The following ZC3H4 variants were observed in gnomAD, a reference collection of about 807,000 sequenced individuals.
The protein encoded by ZC3H4 is zinc finger CCCH domain-containing protein 4.
ZC3H4 carries 13 observed loss-of-function variants against 108.3 expected under a neutral mutation model. The ratio of observed to expected loss-of-function variants is 0.12; its 90% CI spans 0.08 to 0.19. The LOEUF is 0.19. Among genes scored for constraint, ZC3H4 ranks in the 10% least tolerant of loss-of-function variants. The pLI, the probability that ZC3H4 is intolerant of heterozygous loss-of-function variation, is 1.00. For synonymous variants in ZC3H4, 917 were observed against 749.6 expected, an observed-to-expected ratio of 1.22 and a Z score of -3.65; for missense variants, 1,734 against 1,838.8, an observed-to-expected ratio of 0.94 and a Z score of 1.04.
rs898745747 is a variant in ZC3H4 at position 47,067,946 on chromosome 19, A to C, written c.2399-77T>G. ...GCCCTCTTGGATCCCACAGCAGCCC[A>C]CCGTGAGCAGCTCCTTTGCTTGTGC... On this transcript the variant is annotated intron_variant, in intron 14 of 14. Transcript: ENST00000253048. The surrounding 1 kb of genome is among the most constrained non-coding windows in gnomAD (Gnocchi z 6.4). 8 of 1,379,908 alleles carry C rather than the reference A, an allele frequency of 5.8e-6. No individual in the cohort carries two copies. The highest frequency in any genetic ancestry group is 5.9e-6 in the Non-Finnish European group (6 of 1,009,510). 85.5% of individuals were successfully genotyped at this position (1,379,908 alleles called of 1,614,324 possible).
intron 11 of ZC3H4, among the ~76,000 whole-genome samples, chr19:47,080,394 T>C (rs530564667): frequency 6.6e-6 from 1 of 152,176 alleles, no homozygotes; most frequent in South Asian, 2.1e-4. Context: ...CCAACTTCCC[T>C]CTATTTTCTC....
rs781391829 is a variant in ZC3H4 at position 47,067,633 on chromosome 19, C to G, written c.2635G>C (p.Gly879Arg). Residue 879 changes from glycine (G) to arginine (R), a missense_variant, in exon 15 of 15, where the codon GGG (glycine) becomes CGG (arginine). Gly to Arg is a moderately radical substitution (Grantham distance 125). Coordinates refer to ENST00000253048, the MANE Select transcript of ZC3H4 (RefSeq NM_015168.2). This position sits in a 1 kb window ranked among gnomAD's most constrained non-coding sequence, Gnocchi z 6.4. ...GGTCCCGAATCACCTGGGCCAGACC[C>G]GCCAGAAGCCTCCACATGGCGGGTG... Reference protein sequence around the residue: ...RLTRHVEASGGSGPGDSGPSD... With the variant: ...RLTRHVEASGRSGPGDSGPSD... 6.2e-7 allele frequency: 1 copy of G among 1,604,766 alleles called. No homozygotes were observed. The highest frequency in any genetic ancestry group is 2.2e-5 in the East Asian group (1 of 44,778).
chr19:47,089,476 G>A (rs893846404), intron 5 of ZC3H4, among the ~76,000 whole-genome samples: 18 of 152,168 alleles, frequency 1.2e-4, no homozygotes, highest in Non-Finnish European at 2.4e-4. Flanking sequence ...TGCGCCGGCA[G>A]AGATGTGTTC....
rs1277918719 is a variant in ZC3H4 at position 47,113,753 on chromosome 19, G to T, written c.-39C>A. The T allele has an allele frequency of 6.6e-6, 1 of 152,330 alleles. No individual in the cohort carries two copies. The highest frequency in any genetic ancestry group is 1.5e-5 in the Non-Finnish European group (1 of 68,062). 9.4% of individuals were successfully genotyped at this position (152,330 alleles called of 1,614,324 possible). On this transcript the variant is annotated 5_prime_UTR_variant, in exon 1 of 15. Coordinates refer to ENST00000253048, the MANE Select transcript of ZC3H4 (RefSeq NM_015168.2). ...GGAGGCCAGGTGCCGAGAGTCGGAG[G>T]TTTCCGGAGAAGCGATGAAGCCCAG... is the stretch of plus-strand genomic sequence containing the variant.
chr19:47,103,762 TA>T (rs748735701), intron 2 of ZC3H4, among the ~76,000 whole-genome samples: 60,080 of 108,400 alleles, frequency 0.55, 17,188 homozygotes, highest in Non-Finnish European at 0.69. Context: ...CCGTCTCTAC[TA>T]AAAAAAAAAA....
rs201711035 is a variant in ZC3H4 at position 47,072,110 on chromosome 19, G to A, written c.1814C>T (p.Pro605Leu). 1.3e-6 allele frequency: 2 copies of A among 1,536,704 alleles called. No individual in the cohort carries two copies. Among genetic ancestry groups the A allele is most frequent in the African/African-American group, 2.8e-5 (2 of 72,002 alleles). Residue 605 changes from proline (P) to leucine (L), a missense_variant, in exon 13 of 15, where the codon CCC becomes CTC. Coordinates refer to ENST00000253048, the MANE Select transcript of ZC3H4 (RefSeq NM_015168.2). The surrounding 1 kb of genome is among the most constrained non-coding windows in gnomAD (Gnocchi z 5.6). ...GCCCATTGGCCCTGGGGGTCCACCG[G>A]GTCCAGGGAACCTAGAAGAGGGAAA... ...AEKLGVRFPG[P>L]GGPPGPMGPG...
At position 47,067,201 on chromosome 19, in the gene ZC3H4, C is replaced by T. The variant is rs771929582; in HGVS notation, c.3067G>A (p.Ala1023Thr). 2.9e-5 allele frequency: 46 copies of T among 1,609,954 alleles called. No homozygotes were observed. The highest frequency in any genetic ancestry group is 4.0e-5 in the African/African-American group (3 of 74,696). The change falls in exon 15 of 15, where the codon GCC becomes ACC. Residue 1023 changes from alanine to threonine, a missense_variant. Physicochemically the swap from Ala to Thr is moderately conservative, Grantham distance 58 (BLOSUM62 0). Around this residue, in one of 9 missense-constraint regions of ZC3H4, gnomAD observed 518 missense variants for 499.6 expected, o/e 1.04. Transcript: ENST00000253048. This position sits in a 1 kb window ranked among gnomAD's most constrained non-coding sequence, Gnocchi z 6.4. ...HRAATAGPPN[A>T]RQRPGASTDS... ...GTGGAGGCGCCCGGGCGCTGCCGGG[C>T]GTTGGGGGGCCCTGCCGTGGCAGCG...
Position 47,066,766 on chromosome 19 carries a change from C to T in ZC3H4, c.3502G>A (p.Gly1168Ser), listed in dbSNP as rs1335870709. 8 of 1,603,296 alleles carry T rather than the reference C, an allele frequency of 5.0e-6. No homozygotes were observed. Among genetic ancestry groups the T allele is most frequent in the Non-Finnish European group, 5.9e-6 (7 of 1,178,274 alleles). The change falls in exon 15 of 15, where the codon GGT becomes AGT. Residue 1168 changes from glycine (G) to serine (S), a missense_variant. Physicochemically the swap from Gly to Ser is moderately conservative, Grantham distance 56 (BLOSUM62 0). Around this residue, in one of 9 missense-constraint regions of ZC3H4, gnomAD observed 518 missense variants for 499.6 expected, o/e 1.04. Coordinates refer to ENST00000253048, the MANE Select transcript of ZC3H4 (RefSeq NM_015168.2). ...GKATEPAADT[G>S]AQPKGAEGNG... is the part of the protein sequence containing the mutation. ...CCCTCAGCACCCTTGGGCTGGGCACCCGTGTCAGCAGCCGGCTCTGTGGCT... is the reference window on the plus strand; with the variant it reads ...CCCTCAGCACCCTTGGGCTGGGCACTCGTGTCAGCAGCCGGCTCTGTGGCT...
At chr19:47,086,581 G>T (rs1400171535) in intron 5 of ZC3H4, 43 bp from the exon 6 acceptor site, 1 of 1,530,198 alleles carries the variant, frequency 6.5e-7, no homozygotes, top group Non-Finnish European at 8.7e-7. Flanking sequence ...AGGAGCAGAT[G>T]CCACCAGCAA....
At chr19:47,092,910 G>A (rs1568557741) in intron 4 of ZC3H4, among the ~76,000 whole-genome samples, 2 of 151,100 alleles carry the variant, frequency 1.3e-5, no homozygotes, top group East Asian at 4.0e-4. Context: ...CGAATACTGG[G>A]TAAAGTAATC....
intron 11 of ZC3H4, among the ~76,000 whole-genome samples, 186 bp downstream of exon 11, chr19:47,081,327 A>T: frequency 6.6e-6 from 1 of 152,188 alleles, no homozygotes. Context: ...CTAAGACAAC[A>T]CATGTGACCA....
intron 1 of ZC3H4, among the ~76,000 whole-genome samples, chr19:47,113,069 G>GTGCCCCGGC (rs1186265250): frequency 2.6e-5 from 4 of 152,246 alleles, no homozygotes; most frequent in Non-Finnish European, 5.9e-5. Flanking sequence ...CCCGCCCTGG[G>GTGCCCCGGC]TGCCCCGGCT....
rs768270228 is a variant in ZC3H4 at position 47,067,080 on chromosome 19, C to G, written c.3188G>C (p.Gly1063Ala). 83 of 1,609,106 alleles carry G rather than the reference C, an allele frequency of 5.2e-5. No homozygotes were observed. The highest frequency in any genetic ancestry group is 1.9e-4 in the Admixed American group (11 of 59,338). Residue 1063 changes from glycine to alanine, a missense_variant, in exon 15 of 15, where the codon GGT becomes GCT. By Grantham distance (60) the Gly-to-Ala change is moderately conservative. Transcript: ENST00000253048. This position sits in a 1 kb window ranked among gnomAD's most constrained non-coding sequence, Gnocchi z 6.4. The stretch of plus-strand genomic sequence containing the variant: ...GGGGTCACTGGGTTTGTCGCTGGAA[C>G]CGGGGGCGGCCGAGGAGCCGGTGGC... ...VNATGSSAAP[G>A]SSDKPSDPRV...
intron 5 of ZC3H4, among the ~76,000 whole-genome samples, chr19:47,089,541 C>T (rs1366686553): frequency 6.6e-6 from 1 of 152,230 alleles, no homozygotes; most frequent in Non-Finnish European, 1.5e-5. Context: ...CTCCACCTTC[C>T]TCCCAAAGGA....
intron 4 of ZC3H4, among the ~76,000 whole-genome samples, chr19:47,091,622 T>C (rs2057732466): frequency 6.8e-6 from 1 of 147,040 alleles, no homozygotes; most frequent in Admixed American, 6.9e-5. Context: ...GCGTGGTAGC[T>C]CACGCCTGTA....
chr19:47,099,656 G>A (rs1169731555), intron 2 of ZC3H4, among the ~76,000 whole-genome samples: 1 of 151,824 alleles, frequency 6.6e-6, no homozygotes, highest in Non-Finnish European at 1.5e-5. Flanking sequence ...AAGCCACCAA[G>A]TGGCTAATCA....
rs752086606 is a variant in ZC3H4 at position 47,069,134 on chromosome 19, T to G, written c.2356A>C (p.Arg786=). 5.8e-5 allele frequency: 93 copies of G among 1,605,768 alleles called. No homozygotes were observed. Among genetic ancestry groups the G allele is most frequent in the Non-Finnish European group, 7.7e-5 (91 of 1,179,918 alleles). The change falls in exon 14 of 15, where the codon AGG becomes CGG. Residue 786 remains arginine, a synonymous_variant. Transcript: ENST00000253048. ...TCCTGCTTGCTGCTCTCAGCCAGCC[T>G]CCTCGCTCTCTCCTCCTCCTCCTGC... is the stretch of plus-strand genomic sequence containing the variant. ...KQQEEEERAR[R]LAESSKQDRE... is the part of the protein sequence containing the mutation.
chr19:47,091,313 G>C (rs1193346354), intron 4 of ZC3H4, among the ~76,000 whole-genome samples: 1 of 152,110 alleles, frequency 6.6e-6, no homozygotes, highest in African/African-American at 2.4e-5. Flanking sequence ...GCTCACACCT[G>C]TAATCCCAGC....
At chr19:47,086,659 C>CTCT in intron 5 of ZC3H4, 121 bp from the exon 6 acceptor site, 1 of 1,421,066 alleles carries the variant, frequency 7.0e-7, no homozygotes, top group Non-Finnish European at 9.1e-7. Flanking sequence ...CCTTCTCCTC[C>CTCT]TCCTCCTCCT....
Sources: allele counts gnomAD v4.1 joint callset (sites outside exome capture counted in the v4.1 genomes callset), GRCh38; gene constraint gnomAD v4.1.1; regional missense constraint gnomAD v4.1.1; non-coding constraint Gnocchi (gnomAD v3.1); transcripts MANE v1.5; gene names NCBI Gene and HGNC (gene_info 2026-07-23, HGNC 2026-07-21).